The following MECOM variants were observed in gnomAD, a reference collection of about 807,000 sequenced individuals.
MECOM encodes histone-lysine N-methyltransferase MECOM.
In MECOM, 13 loss-of-function variants were observed where a neutral mutation model predicts 116.3. The observed-to-expected ratio is 0.11, with a 90% CI of 0.07 to 0.18. The LOEUF is 0.18. Among genes scored for constraint, MECOM ranks in the 10% least tolerant of loss-of-function variants. MECOM has a pLI of 1.00. For synonymous variants in MECOM, 528 were observed against 535.2 expected (o/e 0.99, Z 0.19); for missense variants, 1,299 against 1,509.0 (o/e 0.86, Z 2.31).
At chr3:169,345,255 A>C (rs535248951) in intron 2 of MECOM, among the ~76,000 whole-genome samples, 78 of 152,102 alleles carry the variant, frequency 5.1e-4, no homozygotes, top group Non-Finnish European at 7.8e-4. Context: ...TTGCATAACA[A>C]ATATACGATA....
At position 169,381,469 on chromosome 3, in the gene MECOM, A is replaced by G; in HGVS notation, c.93T>C (p.Asp31=). The change falls in exon 2 of 17, where the codon GAT becomes GAC. Residue 31 remains aspartate, a synonymous_variant. Coordinates refer to ENST00000651503, the MANE Select transcript of MECOM (RefSeq NM_004991.4). ...YPEIPLEEMP[D]ADGVASTPSL... ...AGGGAGTGCTGGCTACTCCATCTGC[A>G]TCTGGCATTTCTTCCAAAGGTATTT... 6.2e-7 allele frequency: 1 copy of G among 1,613,506 alleles called. No individual in the cohort carries two copies. The highest frequency in any genetic ancestry group is 8.5e-7 in the Non-Finnish European group (1 of 1,179,670).
intron 2 of MECOM, among the ~76,000 whole-genome samples, chr3:169,284,318 C>T (rs974613637): frequency 4.6e-5 from 7 of 152,184 alleles, no homozygotes; most frequent in Admixed American, 4.6e-4. Flanking sequence ...CCTTCGTGGT[C>T]TTGGGAATCC....
intron 2 of MECOM, among the ~76,000 whole-genome samples, chr3:169,212,654 A>T (rs1750908840): frequency 1.3e-5 from 1 of 78,452 alleles, no homozygotes; most frequent in Admixed American, 1.1e-4. Flanking sequence ...ATATATATAT[A>T]TATATATATA....
chr3:169,465,288 GC>G (rs1748102357), intron 1 of MECOM, among the ~76,000 whole-genome samples: 2 of 152,088 alleles, frequency 1.3e-5, no homozygotes, highest in African/African-American at 4.8e-5. Flanking sequence ...ACCTCTCTGT[GC>G]TTTTTGCACA....
Position 169,352,417 on chromosome 3 carries a change from C to T in MECOM, c.375+28770G>A, listed in dbSNP as rs117633555. ...AGGAGCTATCTCAGTAATTAGCTAA[C>T]TTTACTATGAAATTATCTTCTTGAC... On this transcript the variant is annotated intron_variant, in intron 2 of 16. Coordinates refer to ENST00000651503, the MANE Select transcript of MECOM (RefSeq NM_004991.4). Among the ~76,000 whole-genome samples the T allele has an allele frequency of 7.2e-5, 11 of 151,956 alleles. No homozygotes were observed. In the East Asian group the frequency reaches 1.9e-3, roughly 27 times the overall value.
intron 1 of MECOM, among the ~76,000 whole-genome samples, chr3:169,404,594 C>G (rs1736382839): frequency 6.6e-6 from 1 of 152,190 alleles, no homozygotes; most frequent in African/African-American, 2.4e-5. Context: ...GGGAAGCCCC[C>G]CAAGCTCAGG....
intron 1 of MECOM, among the ~76,000 whole-genome samples, chr3:169,467,790 G>A (rs1488725669): frequency 1.3e-5 from 2 of 152,002 alleles, no homozygotes; most frequent in Non-Finnish European, 2.9e-5. Flanking sequence ...GCTTTTCACC[G>A]GCTACAACAA....
At chr3:169,478,467 A>T (rs1750805829) in intron 1 of MECOM, among the ~76,000 whole-genome samples, 1 of 152,076 alleles carries the variant, frequency 6.6e-6, no homozygotes, top group East Asian at 1.9e-4. Flanking sequence ...CCTCAGAGTG[A>T]CCTATAGGGA....
chr3:169,343,156 C>T (rs1268923129), intron 2 of MECOM, among the ~76,000 whole-genome samples: 1 of 152,132 alleles, frequency 6.6e-6, no homozygotes, highest in African/African-American at 2.4e-5. Context: ...TACTTTTTCT[C>T]CTGTCTTTAG....
intron 1 of MECOM, among the ~76,000 whole-genome samples, chr3:169,538,473 G>A (rs1759658037): frequency 6.6e-6 from 1 of 152,164 alleles, no homozygotes; most frequent in African/African-American, 2.4e-5. Context: ...GTGAAAGCAA[G>A]TGACTACAAA....
intron 5 of MECOM, among the ~76,000 whole-genome samples, chr3:169,126,472 T>C (rs1193650989): frequency 3.3e-5 from 5 of 152,066 alleles, no homozygotes; most frequent in Non-Finnish European, 7.4e-5. Flanking sequence ...CACAATTATA[T>C]TAAAGGGACA....
At chr3:169,146,439 CAA>C (rs1261144630) in intron 2 of MECOM, 1 of 1,389,766 alleles carries the variant, frequency 7.2e-7, no homozygotes, top group Non-Finnish European at 9.6e-7. Context: ...GAGAAGAGCG[CAA>C]GGAAAAGAGG....
rs1160313755 is a variant in MECOM, at chr3:169,660,317, TTTAA to T, written c.37+3015_37+3018del. On this transcript the variant is annotated intron_variant, in intron 1 of 16. Coordinates refer to ENST00000651503, the MANE Select transcript of MECOM (RefSeq NM_004991.4). Reference sequence around the variant, plus strand: ...CAATCTTCCTGCCTTTCATTTTATTTTTAATTAAATTTTTTAACCTTCCCAAATG... The same window carrying T: ...CAATCTTCCTGCCTTTCATTTTATTTTTAAATTTTTTAACCTTCCCAAATG... 1.3e-5 allele frequency among the ~76,000 whole-genome samples: 2 copies of T among 152,226 alleles called. 1 individual carries two copies. Among genetic ancestry groups the T allele is most frequent in the Non-Finnish European group, 2.9e-5 (2 of 68,038 alleles).
intron 3 of MECOM, among the ~76,000 whole-genome samples, chr3:169,141,356 G>C (rs1055514633): frequency 1.3e-5 from 2 of 152,014 alleles, no homozygotes; most frequent in Non-Finnish European, 2.9e-5. Flanking sequence ...AGACAGGTGA[G>C]TTGATGTCAT....
chr3:169,331,082 TG>T (rs1214128682), intron 2 of MECOM, among the ~76,000 whole-genome samples: 3 of 152,120 alleles, frequency 2.0e-5, no homozygotes, highest in Non-Finnish European at 4.4e-5. Context: ...TACCCCACCC[TG>T]TTTATTATGT....
intron 1 of MECOM, among the ~76,000 whole-genome samples, chr3:169,509,727 G>A (rs1755721528): frequency 1.3e-5 from 2 of 152,196 alleles, no homozygotes; most frequent in African/African-American, 4.8e-5. Flanking sequence ...CCTTTTGTAT[G>A]TTTACACCAC....
At chr3:169,138,501 A>G (rs1737071611) in intron 3 of MECOM, among the ~76,000 whole-genome samples, 2 of 152,144 alleles carry the variant, frequency 1.3e-5, no homozygotes, top group South Asian at 4.1e-4. Context: ...ACATCCCCCC[A>G]AAGTCAGCTT....
intron 1 of MECOM, among the ~76,000 whole-genome samples, chr3:169,441,744 T>TTTTTTTTTTTTTTTTTTG (rs1237906532): frequency 2.1e-5 from 3 of 142,096 alleles, no homozygotes; most frequent in Non-Finnish European, 3.2e-5. Context: ...TTTTTTTTTT[T>TTTTTTTTTTTTTTTTTTG]AAAAAAGGGG....
In MECOM at chr3:169,532,123, C is replaced by A. The variant is rs570902626; in HGVS notation, c.37+131213G>T. Among the ~76,000 whole-genome samples, 350 of 152,332 alleles carry A rather than the reference C, an allele frequency of 2.3e-3. 2 individuals carry two copies. The highest frequency in any genetic ancestry group is 7.8e-3 in the African/African-American group (326 of 41,586). The stretch of plus-strand genomic sequence containing the variant: ...CCCTTAGCAATTGTTATCCCACTTT[C>A]CCTAGACCAGTGTTACCAAACTTTA... On this transcript the variant is annotated intron_variant, in intron 1 of 16. Transcript: ENST00000651503.
Sources: allele counts gnomAD v4.1 joint callset (sites outside exome capture counted in the v4.1 genomes callset), GRCh38; gene constraint gnomAD v4.1.1; transcripts MANE v1.5; gene names NCBI Gene and HGNC (gene_info 2026-07-23, HGNC 2026-07-21).